FAM227B: variants seen among roughly 807,000 people sequenced by gnomAD.
FAM227B encodes the protein protein FAM227B.
Under a neutral mutation model 73.8 loss-of-function variants are expected in FAM227B, and 88 were observed. The observed-to-expected ratio is 1.19, with a 90% CI of 1.00 to 1.42. The LOEUF (loss-of-function observed/expected upper bound fraction) is 1.42, where lower values mean the gene tolerates loss of function less well. Among genes scored for constraint, FAM227B ranks in the 40% most tolerant of loss-of-function variants. The pLI, the probability that FAM227B is intolerant of heterozygous loss-of-function variation, is 0.00. For missense variants in FAM227B, 632 were observed against 590.9 expected (o/e 1.07, Z -0.72); for synonymous variants, 210 against 190.5 (o/e 1.10, Z -0.84).
chr15:49,438,458 A>G (rs1337181127), intron 11 of FAM227B, among the ~76,000 whole-genome samples: 1 of 151,750 alleles, frequency 6.6e-6, no homozygotes, highest in East Asian at 1.9e-4. Flanking sequence ...CAGATTGTCA[A>G]TTGCAGAAGA....
chr15:49,406,766 C>T (rs991382378), intron 11 of FAM227B, among the ~76,000 whole-genome samples: 2 of 152,028 alleles, frequency 1.3e-5, no homozygotes. Flanking sequence ...CACCCATACG[C>T]ATGTGTGCCG....
At chr15:49,496,994 C>A (rs1192294903) in intron 11 of FAM227B, among the ~76,000 whole-genome samples, 1 of 151,868 alleles carries the variant, frequency 6.6e-6, no homozygotes, top group Non-Finnish European at 1.5e-5. Context: ...AATCATGAAT[C>A]CTAAACCACC....
chr15:49,525,714 A>C (rs1411201440), intron 10 of FAM227B, among the ~76,000 whole-genome samples: 2 of 116,716 alleles, frequency 1.7e-5, no homozygotes, highest in Non-Finnish European at 3.5e-5. Context: ...ATATATATAT[A>C]TATATCACAA....
chr15:49,617,143 A>C (rs1256345624), intron 1 of FAM227B, among the ~76,000 whole-genome samples: 1 of 152,218 alleles, frequency 6.6e-6, no homozygotes, highest in Non-Finnish European at 1.5e-5. Flanking sequence ...GAGGCTTTCT[A>C]TCACCATTTT....
intron 11 of FAM227B, among the ~76,000 whole-genome samples, chr15:49,442,206 T>C (rs2051721206): frequency 6.6e-6 from 1 of 151,722 alleles, no homozygotes; most frequent in Non-Finnish European, 1.5e-5. Flanking sequence ...AAGATTCTAT[T>C]CTAGCCAGCC....
At chr15:49,454,299 T>G (rs1422977928) in intron 11 of FAM227B, among the ~76,000 whole-genome samples, 4 of 152,164 alleles carry the variant, frequency 2.6e-5, no homozygotes. Flanking sequence ...GTCTCTCTTG[T>G]GCATTTTCTT....
chr15:49,424,117 G>T, intron 11 of FAM227B: 1 of 494,090 alleles, frequency 2.0e-6, no homozygotes, highest in Admixed American at 3.4e-5. Flanking sequence ...ATTTAAGGAG[G>T]AATCCTGTGT....
intron 11 of FAM227B, among the ~76,000 whole-genome samples, chr15:49,381,002 A>G (rs1034037116): frequency 6.6e-6 from 1 of 152,212 alleles, no homozygotes; most frequent in Non-Finnish European, 1.5e-5. Flanking sequence ...GGAGATTACA[A>G]TCGTGGTAAA....
At chr15:49,592,356 G>C (rs934654465) in intron 3 of FAM227B, among the ~76,000 whole-genome samples, 1 of 152,158 alleles carries the variant, frequency 6.6e-6, no homozygotes, top group Non-Finnish European at 1.5e-5. Flanking sequence ...TTTTGGTGTG[G>C]ATGTCCTTTT....
At chr15:49,461,998 C>G (rs552946919) in intron 11 of FAM227B, among the ~76,000 whole-genome samples, 9 of 152,076 alleles carry the variant, frequency 5.9e-5, no homozygotes, top group Non-Finnish European at 1.0e-4. Context: ...GGCAAAATCC[C>G]ATCTCTACTA....
chr15:49,443,220 A>C (rs1468522322), intron 11 of FAM227B, among the ~76,000 whole-genome samples: 1 of 151,734 alleles, frequency 6.6e-6, no homozygotes, highest in Non-Finnish European at 1.5e-5. Flanking sequence ...ACTTAGAATG[A>C]AATAAATTAC....
intron 11 of FAM227B, among the ~76,000 whole-genome samples, chr15:49,391,092 T>C (rs529811355): frequency 2.8e-4 from 42 of 152,278 alleles, no homozygotes; most frequent in African/African-American, 9.9e-4. Flanking sequence ...AAATTTAATT[T>C]ATATTCAAAT....
At chr15:49,399,434 G>A (rs1596896670) in intron 11 of FAM227B, among the ~76,000 whole-genome samples, 1 of 150,444 alleles carries the variant, frequency 6.6e-6, no homozygotes. Flanking sequence ...GGAGGAACTG[G>A]TACCATTCCT....
intron 11 of FAM227B, among the ~76,000 whole-genome samples, chr15:49,455,056 T>C (rs1178225027): frequency 1.3e-5 from 2 of 152,166 alleles, no homozygotes; most frequent in African/African-American, 2.4e-5. Flanking sequence ...GGGGATCACC[T>C]GTATTAGGAT....
chr15:49,353,341 C>T (rs1051806771), intron 13 of FAM227B: 3 of 152,104 alleles, frequency 2.0e-5, no homozygotes, highest in East Asian at 3.8e-4. Context: ...TTCCTCTTCC[C>T]TTCGCCTGTT....
chr15:49,477,867 G>A lies in FAM227B; in HGVS notation c.1012+30344C>T, dbSNP rs182126369. 5.3e-5 allele frequency among the ~76,000 whole-genome samples: 8 copies of A among 152,246 alleles called. No homozygotes were observed. In the East Asian group the frequency reaches 1.2e-3, roughly 22 times the overall value. The stretch of plus-strand genomic sequence containing the variant: ...TGTTAGTTTTTTGGAGTTTAGTCAC[G>A]CTAATAGTTGTACAGAGGTATCTCA... On this transcript the variant is annotated intron_variant, in intron 11 of 15. Coordinates refer to ENST00000299338, the MANE Select transcript of FAM227B (RefSeq NM_152647.3).
chr15:49,484,343 C>T, intron 11 of FAM227B: 2 of 1,590,054 alleles, frequency 1.3e-6, no homozygotes, highest in Non-Finnish European at 1.7e-6. Context: ...CTTCAAAGAA[C>T]TAATTCTGGA....
At chr15:49,574,711 G>C (rs1397288475) in intron 8 of FAM227B, 1 of 169,152 alleles carries the variant, frequency 5.9e-6, no homozygotes, top group African/African-American at 2.4e-5. Flanking sequence ...TCTAATTCTG[G>C]ATCTTCTGAT....
At chr15:49,417,540 T>C (rs546024707) in intron 11 of FAM227B, among the ~76,000 whole-genome samples, 1 of 152,240 alleles carries the variant, frequency 6.6e-6, no homozygotes, top group Admixed American at 6.5e-5. Context: ...ATCTGATCGT[T>C]GACAAATCTC....
Sources: allele counts gnomAD v4.1 joint callset (sites outside exome capture counted in the v4.1 genomes callset), GRCh38; gene constraint gnomAD v4.1.1; transcripts MANE v1.5; gene names NCBI Gene and HGNC (gene_info 2026-07-23, HGNC 2026-07-21).